Variants in LARS1 observed in about 807,000 individuals in gnomAD.
LARS1 encodes the protein leucyl-tRNA synthetase 1.
In LARS1, 100 loss-of-function variants were observed where a neutral mutation model predicts 162.8. The observed-to-expected ratio is 0.61, with a 90% CI of 0.52 to 0.73. LARS1 has a LOEUF of 0.73. Among genes scored for constraint, LARS1 ranks in the 30% least tolerant of loss-of-function variants. The probability of loss-of-function intolerance (pLI) is 0.00; values close to 1 mark genes in which losing one functional copy is unlikely to be tolerated. For synonymous variants in LARS1, 457 were observed against 462.8 expected (o/e 0.99, Z 0.16); for missense variants, 1,258 against 1,408.9 (o/e 0.89, Z 1.71).
At chr5:146,135,723 G>C in intron 21 of LARS1, 59 bp from the exon 22 acceptor site, 1 of 1,244,340 alleles carries the variant, frequency 8.0e-7, no homozygotes, top group Non-Finnish European at 1.1e-6. Context: ...AACCAAATGA[G>C]CCAAATAAAA....
Position 146,168,239 on chromosome 5 carries a change from TTC to T in LARS1, c.319_320del (p.Glu107AsnfsTer9), listed in dbSNP as rs779994234. 1.2e-6 allele frequency: 2 copies of T among 1,613,154 alleles called. No individual in the cohort carries two copies. The highest frequency in any genetic ancestry group is 2.2e-5 in the South Asian group (2 of 90,782). ...IKACADKLKR[E>X]IELYGCPPDF... ...CAGGGGGGCAACCATACAGCTCTATTTCTCTTTTCAACTTATCAGCACATGCC... is the reference window on the plus strand; with the variant it reads ...CAGGGGGGCAACCATACAGCTCTATTTCTTTTCAACTTATCAGCACATGCC... On this transcript the variant is annotated frameshift_variant, in exon 5 of 32. Transcript: ENST00000394434. LOFTEE classifies it high-confidence loss of function.
intron 21 of LARS1, among the ~76,000 whole-genome samples, chr5:146,137,463 A>C (rs1231606555): frequency 1.3e-5 from 2 of 152,162 alleles, no homozygotes; most frequent in African/African-American, 4.8e-5. Context: ...TTAATAAGAT[A>C]AAGTACTATG....
chr5:146,172,228 C>T (rs1202670559), intron 3 of LARS1, among the ~76,000 whole-genome samples: 1 of 152,036 alleles, frequency 6.6e-6, no homozygotes, highest in Non-Finnish European at 1.5e-5. Context: ...AATTAAATTA[C>T]TTAAATGGGC....
intron 16 of LARS1, 43 bp downstream of exon 16, chr5:146,144,581 G>C: frequency 1.2e-6 from 2 of 1,611,508 alleles, no homozygotes; most frequent in African/African-American, 1.3e-5. Flanking sequence ...AGTCAAAGGT[G>C]AGCAAATTGA....
At chr5:146,169,451 C>G (rs978947604) in intron 4 of LARS1, among the ~76,000 whole-genome samples, 38 of 152,100 alleles carry the variant, frequency 2.5e-4, no homozygotes, top group Non-Finnish European at 5.1e-4. Flanking sequence ...ATAATAAAAA[C>G]AGGCAAGGAT....
Position 146,124,053 on chromosome 5 carries a change from C to A in LARS1, c.3025G>T (p.Asp1009Tyr), listed in dbSNP as rs559313290. The change falls in exon 29 of 32, where the codon GAT becomes TAT. Residue 1009 changes from aspartate (D) to tyrosine (Y), a missense_variant. Asp to Tyr is a radical substitution (Grantham distance 160). Transcript: ENST00000394434. Reference sequence around the variant, plus strand: ...TTTTCATCAAATTCTAATTGCAAATCCAGAATACGAGGCCCCATCTTCTCC... The same window carrying A: ...TTTTCATCAAATTCTAATTGCAAATACAGAATACGAGGCCCCATCTTCTCC... ...NLEKMGPRIL[D>Y]LQLEFDEKAV... is the part of the protein sequence containing the mutation. The A allele has an allele frequency of 3.7e-5, 59 of 1,610,100 alleles. No individual in the cohort carries two copies. The highest frequency in any genetic ancestry group is 3.2e-4 in the South Asian group (29 of 90,910).
At chr5:146,114,519 A>G (rs1211682167) in intron 31 of LARS1, among the ~76,000 whole-genome samples, 1 of 151,952 alleles carries the variant, frequency 6.6e-6, no homozygotes, top group Non-Finnish European at 1.5e-5. Context: ...GAATCACTTG[A>G]GGACAGGAGT....
At chr5:146,122,364 C>A (rs949256209) in intron 30 of LARS1, 128 bp downstream of exon 30, 8 of 565,086 alleles carry the variant, frequency 1.4e-5, no homozygotes, top group African/African-American at 9.4e-5. Flanking sequence ...GGGTCTACAA[C>A]AAACCAACCA....
intron 8 of LARS1, 138 bp downstream of exon 8, chr5:146,159,269 C>G: frequency 1.7e-6 from 1 of 598,336 alleles, no homozygotes; most frequent in Non-Finnish European, 3.0e-6. Flanking sequence ...GATATTCTAT[C>G]TCCTCTTCAT....
chr5:146,152,595 C>T (rs1341151388), intron 13 of LARS1, among the ~76,000 whole-genome samples: 4 of 152,166 alleles, frequency 2.6e-5, no homozygotes, highest in Admixed American at 6.6e-5. Flanking sequence ...CCCTACCACA[C>T]CCTGCTGGTC....
At chr5:146,175,339 A>G (rs370897961) in intron 2 of LARS1, among the ~76,000 whole-genome samples, 2 of 151,128 alleles carry the variant, frequency 1.3e-5, no homozygotes, top group East Asian at 1.9e-4. Context: ...TGAGTTTGAG[A>G]CCAGACTGGC....
At chr5:146,162,148 C>T (rs1753806336) in intron 6 of LARS1, among the ~76,000 whole-genome samples, 1 of 152,210 alleles carries the variant, frequency 6.6e-6, no homozygotes, top group African/African-American at 2.4e-5. Context: ...CATGAATGTT[C>T]TTAATGGCAT....
intron 20 of LARS1, among the ~76,000 whole-genome samples, chr5:146,140,798 C>A (rs1752739332): frequency 6.6e-6 from 1 of 152,006 alleles, no homozygotes; most frequent in African/African-American, 2.4e-5. Flanking sequence ...AAGCAAGACT[C>A]CCTCTCAAAA....
chr5:146,142,919 A>C lies in LARS1; in HGVS notation c.2043T>G (p.His681Gln). 6.2e-7 allele frequency: 1 copy of C among 1,614,084 alleles called. No homozygotes were observed. The change falls in exon 20 of 32, where the codon CAT becomes CAG. Residue 681 changes from histidine (H) to glutamine (Q), a missense_variant. Transcript: ENST00000394434. ...CATGATTATAAAGGTAATATGAAAG[A>C]TGATTTGGAACAAGATCCTTGCCAG... ...RVSGKDLVPN[H>Q]LSYYLYNHVA...
At chr5:146,127,273 A>G (rs1752086551) in intron 27 of LARS1, among the ~76,000 whole-genome samples, 2 of 152,194 alleles carry the variant, frequency 1.3e-5, no homozygotes, top group South Asian at 2.1e-4. Flanking sequence ...AGTACATGGG[A>G]AAAAAATATT....
chr5:146,172,728 G>A lies in LARS1; in HGVS notation c.172C>T (p.Arg58Cys), dbSNP rs763802115. The change falls in exon 3 of 32, where the codon CGC (arginine) becomes TGC (cysteine). Residue 58 changes from arginine to cysteine, a missense_variant. Coordinates refer to ENST00000394434, the MANE Select transcript of LARS1 (RefSeq NM_020117.11). ...VTFPYPYMNG[R>C]LHLGHTFSLS... ...GAAAACGTGTGTCCCAAATGAAGGC[G>A]TCCATTCATATATGGATATGGGAAG... 62 of 1,583,344 alleles carry A rather than the reference G, an allele frequency of 3.9e-5. No individual in the cohort carries two copies. The highest frequency in any genetic ancestry group is 4.7e-5 in the South Asian group (4 of 85,610).
intron 31 of LARS1, among the ~76,000 whole-genome samples, chr5:146,119,075 C>A (rs1383362124): frequency 6.6e-6 from 1 of 152,140 alleles, no homozygotes; most frequent in East Asian, 1.9e-4. Context: ...TCCCTGATCC[C>A]TGCAAGTGGA....
rs760500237 is a variant in LARS1 at position 146,140,193 on chromosome 5, A to G, written c.2148+11T>C. ...CAGAATTTTAAACTTTTAAGATGCAATAAGCCTTACCTTCTCAGAGTTCAG... is the reference window on the plus strand; with the variant it reads ...CAGAATTTTAAACTTTTAAGATGCAGTAAGCCTTACCTTCTCAGAGTTCAG... On this transcript the variant is annotated intron_variant, in intron 21 of 31. Coordinates refer to ENST00000394434, the MANE Select transcript of LARS1 (RefSeq NM_020117.11). 5 of 1,607,566 alleles carry G rather than the reference A, an allele frequency of 3.1e-6. No homozygotes were observed. The highest frequency in any genetic ancestry group is 2.2e-5 in the East Asian group (1 of 44,824).
chr5:146,182,620 A>G lies in LARS1; in HGVS notation c.-127T>C. On this transcript the variant is annotated 5_prime_UTR_variant, in exon 1 of 32. Coordinates refer to ENST00000394434, the MANE Select transcript of LARS1 (RefSeq NM_020117.11). ...CACGAAACTAAAGCACACGCTTCAC[A>G]CCTGCTGAGGCAATCATCCGGCTCC... 1.6e-6 allele frequency: 2 copies of G among 1,253,562 alleles called. No individual in the cohort carries two copies. Among genetic ancestry groups the G allele is most frequent in the Non-Finnish European group, 2.3e-6 (2 of 859,242 alleles). 77.7% of individuals were successfully genotyped at this position (1,253,562 alleles called of 1,614,324 possible).
Sources: gnomAD v4.1 joint callset for allele counts (sites outside exome capture counted in the v4.1 genomes callset) on GRCh38, gnomAD v4.1.1 for gene constraint, MANE v1.5 for transcripts, NCBI Gene and HGNC (gene_info 2026-07-23, HGNC 2026-07-21) for gene names.